SESTD1: variants seen among roughly 807,000 people sequenced by gnomAD.
The protein encoded by SESTD1 is SEC14 domain and spectrin repeat-containing protein 1.
A neutral mutation model predicts 101.7 loss-of-function variants in SESTD1; 43 were observed. That is an observed-to-expected ratio of 0.42 (90% CI 0.33 to 0.55). SESTD1 has a LOEUF of 0.55. SESTD1 is among the 20% of genes least tolerant of loss of function. The pLI is 0.07. For missense variants in SESTD1, 647 were observed against 815.1 expected (o/e 0.79, Z 2.51); for synonymous variants, 283 against 286.8 (o/e 0.99, Z 0.13).
chr2:179,113,557 T>G (rs1186443665), intron 16 of SESTD1, among the ~76,000 whole-genome samples: 1 of 152,184 alleles, frequency 6.6e-6, no homozygotes, highest in African/African-American at 2.4e-5. Flanking sequence ...TTACAACTTT[T>G]TTTTGCATTA....
At chr2:179,117,854 T>G (rs1399327639) in intron 13 of SESTD1, among the ~76,000 whole-genome samples, 1 of 152,206 alleles carries the variant, frequency 6.6e-6, no homozygotes, top group Non-Finnish European at 1.5e-5. Context: ...TAGCATGGAT[T>G]CTGCAAAATA....
At chr2:179,257,429 T>C (rs541451655) in intron 1 of SESTD1, among the ~76,000 whole-genome samples, 1 of 152,328 alleles carries the variant, frequency 6.6e-6, no homozygotes, top group East Asian at 1.9e-4. Flanking sequence ...TTAGACATAA[T>C]TCTATCACAC....
At position 179,103,238 on chromosome 2, in the gene SESTD1, A is replaced by G. The variant is rs1027938725; in HGVS notation, c.*6661T>C. ...TCTTTGCTTTCCTCAGATAGTTCCA[A>G]TTGTCATCCTTGACCATGAACAATG... On this transcript the variant is annotated 3_prime_UTR_variant, in exon 18 of 18. Coordinates refer to ENST00000428443, the MANE Select transcript of SESTD1 (RefSeq NM_178123.5). 6.6e-6 allele frequency: 1 copy of G among 152,100 alleles called. No homozygotes were observed. The highest frequency in any genetic ancestry group is 2.4e-5 in the African/African-American group (1 of 41,420). 9.4% of individuals were successfully genotyped at this position (152,100 alleles called of 1,614,324 possible). A position where few individuals can be genotyped will look rare whatever the true frequency, so the allele number is the denominator to read the frequency against.
intron 5 of SESTD1, among the ~76,000 whole-genome samples, 166 bp downstream of exon 5, chr2:179,171,954 A>G (rs1287066549): frequency 2.0e-5 from 3 of 152,216 alleles, no homozygotes; most frequent in Non-Finnish European, 1.5e-5. Context: ...ATCATACTTC[A>G]TTCAGCAAGT....
At chr2:179,161,094 T>A (rs341959) in intron 5 of SESTD1, among the ~76,000 whole-genome samples, 86 of 122,180 alleles carry the variant, frequency 7.0e-4, no homozygotes, top group East Asian at 8.3e-4. Flanking sequence ...TTTTTTTTTT[T>A]AATTTTTTGT....
intron 1 of SESTD1, among the ~76,000 whole-genome samples, chr2:179,218,998 CTGA>C (rs1267894511): frequency 2.0e-5 from 3 of 152,194 alleles, no homozygotes; most frequent in Non-Finnish European, 2.9e-5. Flanking sequence ...TCACAACTAC[CTGA>C]ATGCCAACAC....
At chr2:179,144,037 T>G (rs957597445) in intron 8 of SESTD1, among the ~76,000 whole-genome samples, 2 of 152,082 alleles carry the variant, frequency 1.3e-5, no homozygotes, top group Non-Finnish European at 2.9e-5. Flanking sequence ...GATAGTATAT[T>G]AAAATGCTAT....
In SESTD1 at chr2:179,144,750, C is replaced by A. The variant is rs140000987; in HGVS notation, c.638-947G>T. ...AAAAGTACCCATGATTGTTCTAAAC[C>A]TTTTTGTTTTATACTCTCTTTCAAT... is the stretch of plus-strand genomic sequence containing the variant. On this transcript the variant is annotated intron_variant, in intron 8 of 17. Transcript: ENST00000428443. Among the ~76,000 whole-genome samples, 174 of 151,886 alleles carry A rather than the reference C, an allele frequency of 1.1e-3. 1 individual carries two copies. The East Asian group carries it at 0.03, about 26-fold the overall frequency.
intron 10 of SESTD1, among the ~76,000 whole-genome samples, chr2:179,126,943 G>A (rs1405614271): frequency 6.6e-6 from 1 of 152,136 alleles, no homozygotes; most frequent in African/African-American, 2.4e-5. Context: ...TCAGCCCCCC[G>A]CCTTCCATTT....
At chr2:179,150,144 G>T (rs144946518) in intron 6 of SESTD1, among the ~76,000 whole-genome samples, 62 of 152,310 alleles carry the variant, frequency 4.1e-4, no homozygotes, top group African/African-American at 1.4e-3. Context: ...AGGACTGCTT[G>T]AGCCCAGAAG....
chr2:179,231,031 T>C (rs1385574388), intron 1 of SESTD1, among the ~76,000 whole-genome samples: 1 of 152,114 alleles, frequency 6.6e-6, no homozygotes, highest in Admixed American at 6.6e-5. Context: ...CAAGGCCACA[T>C]TATAAAAAGG....
intron 5 of SESTD1, among the ~76,000 whole-genome samples, chr2:179,168,351 GTTAA>G (rs1346988500): frequency 6.6e-6 from 1 of 151,932 alleles, no homozygotes; most frequent in African/African-American, 2.4e-5. Context: ...CAAAATTTGT[GTTAA>G]TTGACTGTTT....
At chr2:179,145,241 G>A (rs910441574) in intron 8 of SESTD1, among the ~76,000 whole-genome samples, 3 of 151,392 alleles carry the variant, frequency 2.0e-5, no homozygotes, top group Admixed American at 6.6e-5. Flanking sequence ...TTTTCTTGTC[G>A]ATATCATTTT....
At chr2:179,238,121 G>A (rs996462711) in intron 1 of SESTD1, among the ~76,000 whole-genome samples, 1 of 152,054 alleles carries the variant, frequency 6.6e-6, no homozygotes, top group Non-Finnish European at 1.5e-5. Context: ...ATCAAAAGAA[G>A]AGAACATATA....
chr2:179,238,919 TAA>T (rs934392545), intron 1 of SESTD1, among the ~76,000 whole-genome samples: 3 of 152,174 alleles, frequency 2.0e-5, no homozygotes, highest in African/African-American at 4.8e-5. Context: ...TATTAGAAAC[TAA>T]AAGTCTGTCA....
At chr2:179,126,421 C>A (rs1396300759) in intron 10 of SESTD1, among the ~76,000 whole-genome samples, 1 of 152,150 alleles carries the variant, frequency 6.6e-6, no homozygotes, top group Non-Finnish European at 1.5e-5. Context: ...CTCCTTTTAG[C>A]CTTCTTTGCT....
chr2:179,136,915 A>G (rs1428983283), intron 9 of SESTD1, among the ~76,000 whole-genome samples: 1 of 152,172 alleles, frequency 6.6e-6, no homozygotes. Flanking sequence ...ATATGGCCTT[A>G]ATATAGGCTG....
At position 179,207,309 on chromosome 2, in the gene SESTD1, T is replaced by C. The variant is rs1302820483; in HGVS notation, c.-25-15443A>G. On this transcript the variant is annotated intron_variant, in intron 1 of 17. Transcript: ENST00000428443. ...AAGCCATTACAGTAACTCAACAGAA[T>C]AACCCTGCTCCAAAAAAGGAGAAAA... Among the ~76,000 whole-genome samples the C allele has an allele frequency of 4.5e-5, 6 of 134,688 alleles. 1 individual carries two copies. The highest frequency in any genetic ancestry group is 8.0e-5 in the Non-Finnish European group (5 of 62,630). 88.4% of individuals were successfully genotyped at this position (134,688 alleles called of 152,430 possible). A position where few individuals can be genotyped will look rare whatever the true frequency, so the allele number is the denominator to read the frequency against.
At chr2:179,149,974 T>C (rs2045482550) in intron 6 of SESTD1, among the ~76,000 whole-genome samples, 1 of 152,172 alleles carries the variant, frequency 6.6e-6, no homozygotes, top group African/African-American at 2.4e-5. Context: ...ATGCCTGTAA[T>C]CCCAGCATTT....
Sources: allele counts gnomAD v4.1 joint callset (sites outside exome capture counted in the v4.1 genomes callset), GRCh38; gene constraint gnomAD v4.1.1; transcripts MANE v1.5; gene names NCBI Gene and HGNC (gene_info 2026-07-23, HGNC 2026-07-21).